CHRM3: variants seen among roughly 807,000 people sequenced by gnomAD.
CHRM3 encodes the protein muscarinic acetylcholine receptor M3.
In CHRM3, 11 loss-of-function variants were observed where a neutral mutation model predicts 41.8. The ratio of observed to expected loss-of-function variants is 0.26; its 90% confidence interval spans 0.17 to 0.44. The LOEUF is 0.44. Ranked by LOEUF, CHRM3 falls within the 20% of genes least tolerant of loss-of-function variation. CHRM3 has a pLI of 1.00. For synonymous variants in CHRM3, 297 were observed against 301.4 expected, an observed-to-expected ratio of 0.99 and a Z score of 0.15; for missense variants, 571 against 745.4, an observed-to-expected ratio of 0.77 and a Z score of 2.72.
At chr1:239,899,074 T>C (rs1679256835) in intron 6 of CHRM3, among the ~76,000 whole-genome samples, 1 of 152,104 alleles carries the variant, frequency 6.6e-6, no homozygotes. Context: ...CCAACATTAT[T>C]CAACACAAAA....
At chr1:239,409,783 A>C (rs550398997) in intron 1 of CHRM3, among the ~76,000 whole-genome samples, 9 of 152,152 alleles carry the variant, frequency 5.9e-5, no homozygotes, top group Admixed American at 1.3e-4. Flanking sequence ...TCTACTAAAA[A>C]TACAAAAAAT....
rs1156551263 is a variant in CHRM3 at position 239,387,171 on chromosome 1, C to G, written c.-577C>G. The stretch of plus-strand genomic sequence containing the variant: ...GGGAAGGTGGAGCGGACGCCACCCG[C>G]GCACCGGGCAGGCGCGGAGACCGGC... On this transcript the variant is annotated 5_prime_UTR_variant, in exon 1 of 7. Transcript: ENST00000676153. This position sits in a 1 kb window ranked among gnomAD's most constrained non-coding sequence, Gnocchi z 5.1. The G allele has an allele frequency of 6.6e-6, 1 of 152,188 alleles. No homozygotes were observed. Among genetic ancestry groups the G allele is most frequent in the Admixed American group, 6.5e-5 (1 of 15,274 alleles). 9.4% of individuals were successfully genotyped at this position (152,188 alleles called of 1,614,324 possible).
At position 239,492,783 on chromosome 1, in the gene CHRM3, C is replaced by T. The variant is rs1336394889; in HGVS notation, c.-446C>T. On this transcript the variant is annotated 5_prime_UTR_variant, in exon 2 of 7. Coordinates refer to ENST00000676153, the MANE Select transcript of CHRM3 (RefSeq NM_001375978.1). ...CATTGCCCTGGCAGAGGGAACCTAC[C>T]CAGTCCATTGCTGCCTGCTACAAGG... is the stretch of plus-strand genomic sequence containing the variant. The T allele has an allele frequency of 6.6e-6, 1 of 152,216 alleles. No homozygotes were observed. Among genetic ancestry groups the T allele is most frequent in the Non-Finnish European group, 1.5e-5 (1 of 68,074 alleles). 9.4% of individuals were successfully genotyped at this position (152,216 alleles called of 1,614,324 possible).
intron 5 of CHRM3, among the ~76,000 whole-genome samples, chr1:239,792,230 T>C (rs1474568094): frequency 1.3e-5 from 2 of 152,172 alleles, no homozygotes; most frequent in Admixed American, 6.5e-5. Flanking sequence ...CTGCTTTTTG[T>C]TGATGGTTGT....
intron 3 of CHRM3, among the ~76,000 whole-genome samples, chr1:239,591,140 C>G (rs1399243745): frequency 1.3e-5 from 2 of 152,194 alleles, no homozygotes; most frequent in East Asian, 3.9e-4. Flanking sequence ...TCTAGGCTAG[C>G]CCTGGCCTTC....
At chr1:239,460,365 A>G (rs757766556) in intron 1 of CHRM3, among the ~76,000 whole-genome samples, 3 of 152,128 alleles carry the variant, frequency 2.0e-5, no homozygotes, top group Non-Finnish European at 2.9e-5. Flanking sequence ...GTTCCAGGGT[A>G]TTAAGAAGAA....
intron 1 of CHRM3, among the ~76,000 whole-genome samples, chr1:239,393,103 T>G (rs1157935899): frequency 1.3e-5 from 2 of 152,136 alleles, no homozygotes; most frequent in Admixed American, 6.5e-5. Context: ...AAGGTTATAA[T>G]GTACTATGAT....
chr1:239,758,631 TA>T (rs1251422695), intron 5 of CHRM3, among the ~76,000 whole-genome samples: 1 of 152,220 alleles, frequency 6.6e-6, no homozygotes, highest in African/African-American at 2.4e-5. Flanking sequence ...CTCACAGTTT[TA>T]AAAAAATTGG....
At chr1:239,561,046 C>CT (rs1326683998) in intron 3 of CHRM3, among the ~76,000 whole-genome samples, 1 of 152,178 alleles carries the variant, frequency 6.6e-6, no homozygotes, top group African/African-American at 2.4e-5. Flanking sequence ...CATCCCACAT[C>CT]TGCCTCCTTC....
intron 3 of CHRM3, among the ~76,000 whole-genome samples, chr1:239,587,443 C>A (rs749219469): frequency 1.3e-5 from 2 of 152,188 alleles, no homozygotes; most frequent in African/African-American, 2.4e-5. Flanking sequence ...GCTTTGCCTT[C>A]CCCTGCCAAA....
intron 5 of CHRM3, among the ~76,000 whole-genome samples, chr1:239,741,467 C>T (rs546775204): frequency 4.6e-5 from 7 of 152,194 alleles, no homozygotes; most frequent in African/African-American, 1.7e-4. Flanking sequence ...TTTTGATGGC[C>T]TGCTTCAGGG....
intron 3 of CHRM3, among the ~76,000 whole-genome samples, chr1:239,551,052 A>G (rs1175230024): frequency 6.6e-6 from 1 of 151,222 alleles, no homozygotes; most frequent in African/African-American, 2.4e-5. Flanking sequence ...CGTACATGCT[A>G]TATAATTTAT....
chr1:239,553,730 C>A (rs1402444501), intron 3 of CHRM3, among the ~76,000 whole-genome samples: 2 of 152,130 alleles, frequency 1.3e-5, no homozygotes, highest in Non-Finnish European at 2.9e-5. Context: ...AATAATTTTG[C>A]TGATTTATCT....
chr1:239,759,198 G>GTTTTTTTTTTTT (rs1558518708), intron 5 of CHRM3, among the ~76,000 whole-genome samples: 3 of 84,404 alleles, frequency 3.6e-5, no homozygotes, highest in South Asian at 4.5e-4. Context: ...TTTTTTTTTA[G>GTTTTTTTTTTTT]AGAGAGGCTT....
chr1:239,783,195 G>T (rs1417612795), intron 5 of CHRM3, among the ~76,000 whole-genome samples: 1 of 151,892 alleles, frequency 6.6e-6, no homozygotes, highest in Non-Finnish European at 1.5e-5. Context: ...AGATGTCAAA[G>T]TCTCCAGCTA....
At chr1:239,619,841 G>A (rs1250499620) in intron 3 of CHRM3, among the ~76,000 whole-genome samples, 1 of 152,058 alleles carries the variant, frequency 6.6e-6, no homozygotes, top group Non-Finnish European at 1.5e-5. Flanking sequence ...ATTCAGGGTG[G>A]GGGTGGAGGG....
intron 6 of CHRM3, among the ~76,000 whole-genome samples, chr1:239,849,592 C>A (rs1028830414): frequency 1.3e-5 from 2 of 152,098 alleles, no homozygotes; most frequent in Non-Finnish European, 2.9e-5. Context: ...AAGAACCTAT[C>A]AAATATTTTG....
chr1:239,859,044 G>T (rs1201919471), intron 6 of CHRM3, among the ~76,000 whole-genome samples: 1 of 152,158 alleles, frequency 6.6e-6, no homozygotes, highest in Non-Finnish European at 1.5e-5. Flanking sequence ...AAATAAGGCT[G>T]CTATGAACAT....
chr1:239,664,329 C>T (rs551051085), intron 4 of CHRM3, among the ~76,000 whole-genome samples: 4 of 152,198 alleles, frequency 2.6e-5, no homozygotes, highest in Admixed American at 6.5e-5. Flanking sequence ...AATGATCCAA[C>T]AGTGTCAAAG....
Sources: gnomAD v4.1 joint callset for allele counts (sites outside exome capture counted in the v4.1 genomes callset) on GRCh38, gnomAD v4.1.1 for gene constraint, Gnocchi (gnomAD v3.1) non-coding constraint, MANE v1.5 for transcripts, NCBI Gene and HGNC (gene_info 2026-07-23, HGNC 2026-07-21) for gene names.